Variants in TECPR2 observed in about 807,000 individuals in gnomAD.
TECPR2 encodes the protein tectonin beta-propeller repeat-containing protein 2.
Under a neutral mutation model 138.1 loss-of-function variants are expected in TECPR2, and 65 were observed. The ratio of observed to expected loss-of-function variants is 0.47; its 90% CI spans 0.39 to 0.58. The LOEUF (loss-of-function observed/expected upper bound fraction) is 0.58, where lower values mean the gene tolerates loss of function less well. TECPR2 is among the 20% of genes least tolerant of loss of function. TECPR2 has a pLI of 0.00. For missense variants in TECPR2, 1,553 were observed against 1,824.5 expected (o/e 0.85, Z 2.71); for synonymous variants, 746 against 749.8 (o/e 0.99, Z 0.08).
chr14:102,426,756 G>T (rs1350725556), intron 6 of TECPR2, among the ~76,000 whole-genome samples: 1 of 152,220 alleles, frequency 6.6e-6, no homozygotes, highest in Non-Finnish European at 1.5e-5. Context: ...CTACTCGGGA[G>T]GCTGAGGCAG....
intron 2 of TECPR2, among the ~76,000 whole-genome samples, chr14:102,380,737 G>T (rs1387659582): frequency 3.3e-5 from 5 of 152,216 alleles, no homozygotes; most frequent in African/African-American, 1.2e-4. Flanking sequence ...AGAGTGCAGT[G>T]GCGCGATCTC....
At chr14:102,387,773 G>A (rs1158722442) in intron 2 of TECPR2, among the ~76,000 whole-genome samples, 10 of 152,080 alleles carry the variant, frequency 6.6e-5, no homozygotes, top group Admixed American at 2.6e-4. Context: ...TGATCCACTC[G>A]CCTCAGCCTC....
At chr14:102,375,984 G>A (rs1458452772) in intron 1 of TECPR2, among the ~76,000 whole-genome samples, 1 of 152,156 alleles carries the variant, frequency 6.6e-6, no homozygotes, top group Non-Finnish European at 1.5e-5. Flanking sequence ...CTTTAGTAAG[G>A]GAAGCTTTGA....
At chr14:102,363,477 A>G (rs1407544722) in intron 1 of TECPR2, among the ~76,000 whole-genome samples, 1 of 150,970 alleles carries the variant, frequency 6.6e-6, no homozygotes, top group Non-Finnish European at 1.5e-5. Flanking sequence ...TCGCCTTAAG[A>G]TTGACGTCGT....
intron 2 of TECPR2, among the ~76,000 whole-genome samples, chr14:102,407,092 T>C (rs1888678883): frequency 6.6e-6 from 1 of 152,184 alleles, no homozygotes; most frequent in Non-Finnish European, 1.5e-5. Flanking sequence ...ACTCCTGACC[T>C]CAGGTGATCT....
In TECPR2 at chr14:102,481,768, CTG is replaced by C. The variant is rs1374247317; in HGVS notation, c.3790-15207_3790-15206del. Among the ~76,000 whole-genome samples the C allele has an allele frequency of 2.0e-5, 3 of 152,288 alleles. No individual in the cohort carries two copies. In the East Asian group the frequency reaches 5.8e-4, roughly 29 times the overall value. On this transcript the variant is annotated intron_variant, in intron 17 of 19. Transcript: ENST00000359520. ...CTGTCTCTGAATGCTGCTTCGGGAG[CTG>C]TGTTTGGTCCCCTGACTTCAGGTGT...
Position 102,452,637 on chromosome 14 carries a change from C to T in TECPR2, c.3640+10C>T, listed in dbSNP as rs1029063500. On this transcript the variant is annotated intron_variant, in intron 16 of 19. Transcript: ENST00000359520. ...GACCTCTCCCAGCTAGGTACGGCCACCTCGTGAGTACACCTGCCGGTGCCC... is the reference window on the plus strand; with the variant it reads ...GACCTCTCCCAGCTAGGTACGGCCATCTCGTGAGTACACCTGCCGGTGCCC... 1.5e-5 allele frequency: 23 copies of T among 1,567,934 alleles called. No individual in the cohort carries two copies. The Admixed American group carries it at 3.7e-4, about 25-fold the overall frequency.
Position 102,363,049 on chromosome 14 carries a change from G to A in TECPR2, c.-140G>A, listed in dbSNP as rs1887220988. Reference sequence around the variant, plus strand: ...GGAACAGGCTCCCGGCAGCCCCCGCGGCCCGGAGTCCATCCCGCCTCCTCC... The same window carrying A: ...GGAACAGGCTCCCGGCAGCCCCCGCAGCCCGGAGTCCATCCCGCCTCCTCC... On this transcript the variant is annotated 5_prime_UTR_variant, in exon 1 of 20. Transcript: ENST00000359520. The A allele has an allele frequency of 3.2e-6, 2 of 615,728 alleles. No individual in the cohort carries two copies. The highest frequency in any genetic ancestry group is 2.4e-5 in the South Asian group (1 of 41,622). The allele number at this position is 615,728 out of a possible 1,614,324, so 38.1% of individuals were successfully genotyped here. A position where few individuals can be genotyped will look rare whatever the true frequency, so the allele number is the denominator to read the frequency against.
intron 7 of TECPR2, among the ~76,000 whole-genome samples, chr14:102,431,571 T>A (rs894135632): frequency 6.6e-6 from 1 of 152,144 alleles, no homozygotes; most frequent in Non-Finnish European, 1.5e-5. Flanking sequence ...CTTGATCTCC[T>A]GACCTTGTGA....
intron 1 of TECPR2, among the ~76,000 whole-genome samples, chr14:102,367,168 TGAG>T (rs1228624471): frequency 6.6e-6 from 1 of 152,142 alleles, no homozygotes. Flanking sequence ...GGGCAACCAG[TGAG>T]GAGTTTTGAG....
intron 17 of TECPR2, among the ~76,000 whole-genome samples, chr14:102,494,819 C>T (rs761796994): frequency 1.0e-4 from 15 of 143,660 alleles, no homozygotes; most frequent in Admixed American, 4.9e-4. Context: ...AGCGAAACTC[C>T]GTCTCAAAAA....
At chr14:102,413,455 C>G (rs1888938652) in intron 4 of TECPR2, among the ~76,000 whole-genome samples, 1 of 151,510 alleles carries the variant, frequency 6.6e-6, no homozygotes. Context: ...TCTTGGCTCA[C>G]TGCAACCCTT....
chr14:102,408,331 A>G (rs1355735011), intron 3 of TECPR2, among the ~76,000 whole-genome samples, 157 bp from the exon 4 acceptor site: 2 of 152,154 alleles, frequency 1.3e-5, no homozygotes, highest in Non-Finnish European at 1.5e-5. Flanking sequence ...AGGTGACTAG[A>G]CAGATGGAAC....
intron 17 of TECPR2, among the ~76,000 whole-genome samples, chr14:102,477,846 A>C (rs1890800300): frequency 7.3e-6 from 1 of 137,570 alleles, no homozygotes; most frequent in Non-Finnish European, 1.6e-5. Flanking sequence ...GAGGCAGGAG[A>C]ATGGTGTGAA....
chr14:102,376,896 C>G lies in TECPR2; in HGVS notation c.175C>G (p.Leu59Val). ...AVGSSIGMLY[L>V]YCRHLNQMRK... ...GGGCAGCAGCATCGGCATGCTCTAT[C>G]TGTACTGCCGGCACCTCAACCAGAT... Residue 59 changes from leucine to valine, a missense_variant, in exon 2 of 20, where the codon CTG becomes GTG. By Grantham distance (32) the Leu-to-Val change is conservative. Coordinates refer to ENST00000359520, the MANE Select transcript of TECPR2 (RefSeq NM_014844.5). 1 of 1,614,200 alleles carries G rather than the reference C, an allele frequency of 6.2e-7. No individual in the cohort carries two copies. The highest frequency in any genetic ancestry group is 8.5e-7 in the Non-Finnish European group (1 of 1,180,038).
At chr14:102,487,709 T>G (rs1891062500) in intron 17 of TECPR2, among the ~76,000 whole-genome samples, 1 of 151,742 alleles carries the variant, frequency 6.6e-6, no homozygotes, top group African/African-American at 2.4e-5. Context: ...GCCTGGCTAA[T>G]TTTTTGTATT....
intron 10 of TECPR2, 45 bp downstream of exon 10, chr14:102,438,250 C>G (rs968043884): frequency 1.3e-6 from 2 of 1,565,262 alleles, no homozygotes; most frequent in African/African-American, 1.4e-5. Context: ...TCCCGCTCGC[C>G]GCTCCTGCTC....
At chr14:102,423,299 G>A (rs1889233230) in intron 5 of TECPR2, among the ~76,000 whole-genome samples, 2 of 152,016 alleles carry the variant, frequency 1.3e-5, no homozygotes, top group South Asian at 4.2e-4. Context: ...GGGCATGGCG[G>A]TGCACACCTA....
chr14:102,483,169 C>G (rs1163435135), intron 17 of TECPR2, among the ~76,000 whole-genome samples: 1 of 152,018 alleles, frequency 6.6e-6, no homozygotes, highest in Non-Finnish European at 1.5e-5. Flanking sequence ...GTTCTAACAC[C>G]TGATCCTTGA....
Sources: gnomAD v4.1 joint callset for allele counts (sites outside exome capture counted in the v4.1 genomes callset) on GRCh38, gnomAD v4.1.1 for gene constraint, MANE v1.5 for transcripts, NCBI Gene and HGNC (gene_info 2026-07-23, HGNC 2026-07-21) for gene names.